Variants in SLC24A2 observed in about 807,000 individuals in gnomAD.
SLC24A2 encodes sodium/potassium/calcium exchanger 2.
Under a neutral mutation model 62.0 loss-of-function variants are expected in SLC24A2, and 36 were observed. The ratio of observed to expected loss-of-function variants is 0.58; its 90% CI spans 0.44 to 0.77. The LOEUF (loss-of-function observed/expected upper bound fraction) is 0.77, where lower values mean the gene tolerates loss of function less well. Ranked by LOEUF, SLC24A2 falls within the 30% of genes least tolerant of loss-of-function variation. The probability of loss-of-function intolerance (pLI) is 0.00; values close to 1 mark genes in which losing one functional copy is unlikely to be tolerated. For synonymous variants in SLC24A2, 358 were observed against 294.0 expected, an observed-to-expected ratio of 1.22 and a Z score of -2.23; for missense variants, 846 against 817.9, an observed-to-expected ratio of 1.03 and a Z score of -0.42.
the SLC24A2 span, among the ~76,000 whole-genome samples, chr9:20,028,889 C>A: frequency 3.9e-5 from 6 of 152,250 alleles, no homozygotes; most frequent in African/African-American, 1.4e-4. Context: ...TGAGAAAAAG[C>A]CCTAAAATAA....
chr9:19,517,695 G>T (rs1437515896), intron 10 of SLC24A2, among the ~76,000 whole-genome samples: 1 of 151,980 alleles, frequency 6.6e-6, no homozygotes, highest in Non-Finnish European at 1.5e-5. Context: ...GTTGGGGAGG[G>T]GTTCCAAGCT....
chr9:19,727,441 C>T (rs1821203716), intron 2 of SLC24A2, among the ~76,000 whole-genome samples: 1 of 152,128 alleles, frequency 6.6e-6, no homozygotes, highest in Non-Finnish European at 1.5e-5. Context: ...GCATTTTGCA[C>T]TCTCCTACAC....
chr9:20,039,639 C>T, the SLC24A2 span, among the ~76,000 whole-genome samples: 747 of 152,088 alleles, frequency 4.9e-3, 10 homozygotes, highest in African/African-American at 0.017. Flanking sequence ...CCAGGGGTGG[C>T]TCACTGTCAG....
chr9:20,142,267 GTACT>G, the SLC24A2 span, among the ~76,000 whole-genome samples: 1 of 151,972 alleles, frequency 6.6e-6, no homozygotes, highest in Non-Finnish European at 1.5e-5. Flanking sequence ...CACCCATGAA[GTACT>G]TACTTTTATT....
chr9:20,125,496 A>T, the SLC24A2 span, among the ~76,000 whole-genome samples: 8 of 152,190 alleles, frequency 5.3e-5, no homozygotes, highest in African/African-American at 1.9e-4. Flanking sequence ...CTTCCTATAC[A>T]TATAAGACTA....
chr9:19,733,186 T>C (rs778098453), intron 2 of SLC24A2, among the ~76,000 whole-genome samples: 1 of 151,998 alleles, frequency 6.6e-6, no homozygotes, highest in African/African-American at 2.4e-5. Context: ...GTCTCAATGA[T>C]GGGGAGAACA....
At chr9:19,990,830 C>T in the SLC24A2 span, among the ~76,000 whole-genome samples, 2 of 141,170 alleles carry the variant, frequency 1.4e-5, no homozygotes, top group African/African-American at 5.3e-5. Flanking sequence ...CCTATTGTTA[C>T]CTAGTAGCTG....
At chr9:19,664,053 C>T (rs1010821377) in intron 2 of SLC24A2, among the ~76,000 whole-genome samples, 1 of 151,958 alleles carries the variant, frequency 6.6e-6, no homozygotes, top group Non-Finnish European at 1.5e-5. Flanking sequence ...GTGTAGGGAA[C>T]ATGGATGGGT....
the SLC24A2 span, among the ~76,000 whole-genome samples, chr9:19,995,577 C>T: frequency 6.6e-5 from 10 of 152,310 alleles, no homozygotes; most frequent in South Asian, 2.1e-3. Flanking sequence ...TAAGAATGAT[C>T]ATAACTAATG....
the SLC24A2 span, among the ~76,000 whole-genome samples, chr9:19,887,331 G>C: frequency 2.6e-5 from 4 of 152,118 alleles, no homozygotes; most frequent in East Asian, 7.7e-4. Flanking sequence ...ATAATTTGCA[G>C]ATATTTTCTC....
At chr9:19,706,771 T>C (rs1204885371) in intron 2 of SLC24A2, among the ~76,000 whole-genome samples, 3 of 152,142 alleles carry the variant, frequency 2.0e-5, no homozygotes, top group African/African-American at 4.8e-5. Context: ...TAGAGGGAAA[T>C]TTATAGCAAT....
chr9:20,234,929 C>A, the SLC24A2 span, among the ~76,000 whole-genome samples: 68,943 of 152,046 alleles, frequency 0.45, 18,014 homozygotes, highest in East Asian at 0.85. Flanking sequence ...TCTGTTTGTT[C>A]GTTTTCCTTC....
At chr9:19,964,678 G>A in the SLC24A2 span, among the ~76,000 whole-genome samples, 2 of 152,184 alleles carry the variant, frequency 1.3e-5, no homozygotes, top group Admixed American at 6.5e-5. Flanking sequence ...TGGGGCACAA[G>A]GGAGATTCCC....
the SLC24A2 span, among the ~76,000 whole-genome samples, chr9:20,093,038 G>C: frequency 6.6e-6 from 1 of 151,650 alleles, no homozygotes; most frequent in African/African-American, 2.4e-5. Flanking sequence ...ATAATATTTT[G>C]ATTCTTACTT....
chr9:19,796,915 T>G, the SLC24A2 span, among the ~76,000 whole-genome samples: 51 of 152,162 alleles, frequency 3.4e-4, no homozygotes, highest in African/African-American at 1.2e-3. Flanking sequence ...TTTGTGTATA[T>G]TTAAAAAATT....
chr9:19,594,522 C>T (rs1365956598), intron 5 of SLC24A2, among the ~76,000 whole-genome samples: 2 of 152,136 alleles, frequency 1.3e-5, no homozygotes, highest in African/African-American at 2.4e-5. Context: ...ATGACCCAGG[C>T]TTCATTGCAA....
chr9:19,829,470 T>C, the SLC24A2 span, among the ~76,000 whole-genome samples: 2 of 152,180 alleles, frequency 1.3e-5, no homozygotes, highest in Non-Finnish European at 2.9e-5. Context: ...GTTTGGCCAA[T>C]GCCTTTTAAG....
At chr9:20,253,144 C>T in the SLC24A2 span, among the ~76,000 whole-genome samples, 575 of 152,234 alleles carry the variant, frequency 3.8e-3, 1 homozygote, top group African/African-American at 0.012. Flanking sequence ...TAGTTAGGAG[C>T]CTGGTCTCTT....
At chr9:19,946,438 T>A in the SLC24A2 span, among the ~76,000 whole-genome samples, 6 of 152,178 alleles carry the variant, frequency 3.9e-5, no homozygotes, top group African/African-American at 1.4e-4. Flanking sequence ...CATTAGAAGT[T>A]TATTTAGTGC....
Sources: allele counts gnomAD v4.1 joint callset (sites outside exome capture counted in the v4.1 genomes callset), GRCh38; gene constraint gnomAD v4.1.1; transcripts MANE v1.5; gene names NCBI Gene and HGNC (gene_info 2026-07-23, HGNC 2026-07-21).